Variants in RGS7 observed in about 807,000 individuals in gnomAD.
RGS7 encodes regulator of G protein signaling 7, also known as regulator of G-protein signaling 7.
In RGS7, 27 loss-of-function variants were observed where a neutral mutation model predicts 81.1. The observed-to-expected ratio is 0.33, with a 90% CI of 0.25 to 0.46. RGS7 has a LOEUF of 0.46. Among genes scored for constraint, RGS7 ranks in the 20% least tolerant of loss-of-function variants. The pLI is 1.00. For missense variants in RGS7, 396 were observed against 607.4 expected (o/e 0.65, Z 3.66); for synonymous variants, 208 against 207.7 (o/e 1.00, Z -0.01).
chr1:241,162,326 C>G (rs145286509), intron 2 of RGS7, among the ~76,000 whole-genome samples: 2 of 151,846 alleles, frequency 1.3e-5, no homozygotes, highest in African/African-American at 4.8e-5. Flanking sequence ...CAGGAACGCT[C>G]TGCTGGTAAG....
rs535761466 is a variant in RGS7, at chr1:240,944,180, A to G, written c.227-7474T>C. ...TTCAGATCTACATTATACAGCCTAT[A>G]TGATATTAGCATGTTCATTCCCCAG... On this transcript the variant is annotated intron_variant, in intron 4 of 18. Transcript: ENST00000440928. Among the ~76,000 whole-genome samples the G allele has an allele frequency of 4.0e-5, 6 of 150,912 alleles. No individual in the cohort carries two copies. In the East Asian group the frequency reaches 1.2e-3, roughly 29 times the overall value.
chr1:240,813,713 C>G lies in RGS7; in HGVS notation c.861G>C (p.Thr287=). 2 of 1,610,752 alleles carry G rather than the reference C, an allele frequency of 1.2e-6. No homozygotes were observed. Among genetic ancestry groups the G allele is most frequent in the Non-Finnish European group, 1.7e-6 (2 of 1,176,942 alleles). The stretch of plus-strand genomic sequence containing the variant: ...ACGGGTCGTATTCTAAATACTGTTC[C>G]GTGTAACTTAGTAGACTAAGGAGAA... ...SKVADSLLSY[T]EQYLEYDPFL... The change falls in exon 13 of 19, where the codon ACG becomes ACC. Residue 287 remains threonine, a synonymous_variant. Transcript: ENST00000440928.
intron 2 of RGS7, among the ~76,000 whole-genome samples, chr1:241,328,517 A>ACATAAC (rs1206321761): frequency 6.6e-6 from 1 of 152,168 alleles, no homozygotes; most frequent in East Asian, 1.9e-4. Flanking sequence ...ATGCAAACTC[A>ACATAAC]CATAACCATA....
chr1:240,788,219 C>T (rs909831769), intron 18 of RGS7, among the ~76,000 whole-genome samples: 13 of 152,100 alleles, frequency 8.5e-5, no homozygotes, highest in East Asian at 3.8e-4. Context: ...ACTCAAATTT[C>T]GACAGGTTTA....
intron 3 of RGS7, among the ~76,000 whole-genome samples, chr1:241,070,429 C>G (rs1236641442): frequency 6.6e-6 from 1 of 151,638 alleles, no homozygotes; most frequent in Non-Finnish European, 1.5e-5. Context: ...TGAGTGGTTT[C>G]TTAACGTTCA....
intron 2 of RGS7, among the ~76,000 whole-genome samples, chr1:241,332,436 G>A (rs773316511): frequency 7.2e-5 from 11 of 152,150 alleles, no homozygotes; most frequent in Non-Finnish European, 1.5e-4. Flanking sequence ...TTATATTAAT[G>A]TAAGGAACTA....
chr1:241,311,962 A>T (rs2080561134), intron 2 of RGS7, among the ~76,000 whole-genome samples: 1 of 152,240 alleles, frequency 6.6e-6, no homozygotes, highest in Non-Finnish European at 1.5e-5. Flanking sequence ...CAAATAGATG[A>T]ACATTTGATG....
chr1:241,037,502 C>A (rs958759583), intron 3 of RGS7, among the ~76,000 whole-genome samples: 16 of 152,064 alleles, frequency 1.1e-4, no homozygotes, highest in African/African-American at 3.6e-4. Context: ...GGGCAGATCA[C>A]AAGGTCAGGA....
intron 5 of RGS7, among the ~76,000 whole-genome samples, chr1:240,932,885 T>C (rs1675782071): frequency 1.7e-5 from 2 of 114,470 alleles, no homozygotes; most frequent in African/African-American, 7.1e-5. Flanking sequence ...TCTTTTTTTT[T>C]TTTTTTTTTT....
rs111543481 is a variant in RGS7, at chr1:240,975,763, A to C, written c.226+7316T>G. 6.6e-3 allele frequency among the ~76,000 whole-genome samples: 1,010 copies of C among 152,382 alleles called. 18 individuals carry two copies. Among genetic ancestry groups the C allele is most frequent in the African/African-American group, 0.023 (959 of 41,584 alleles). On this transcript the variant is annotated intron_variant, in intron 4 of 18. Transcript: ENST00000440928. ...AAGCATGTTTACTAAGAAAACAATA[A>C]ATCTGTTCTGGAAGATAAATTTTGC...
At chr1:240,921,652 C>T (rs1673564354) in intron 6 of RGS7, among the ~76,000 whole-genome samples, 1 of 151,990 alleles carries the variant, frequency 6.6e-6, no homozygotes, top group Non-Finnish European at 1.5e-5. Context: ...TTTCAAAACA[C>T]AATACTATTT....
intron 6 of RGS7, among the ~76,000 whole-genome samples, chr1:240,874,438 T>G (rs1431141192): frequency 6.6e-6 from 1 of 152,160 alleles, no homozygotes; most frequent in Non-Finnish European, 1.5e-5. Context: ...AAGACTGACA[T>G]TTTTATTACA....
chr1:241,306,618 G>A (rs563994277), intron 2 of RGS7, among the ~76,000 whole-genome samples: 139 of 146,150 alleles, frequency 9.5e-4, no homozygotes, highest in African/African-American at 3.3e-3. Flanking sequence ...GCATATATAC[G>A]CACATGTCCA....
At chr1:240,861,355 C>A (rs1185761157) in intron 9 of RGS7, among the ~76,000 whole-genome samples, 2 of 152,036 alleles carry the variant, frequency 1.3e-5, no homozygotes, top group African/African-American at 2.4e-5. Flanking sequence ...CAACCCTAAA[C>A]TAATAGACTG....
At chr1:240,937,411 C>T (rs1676829703) in intron 4 of RGS7, among the ~76,000 whole-genome samples, 1 of 152,098 alleles carries the variant, frequency 6.6e-6, no homozygotes, top group Admixed American at 6.6e-5. Context: ...TGGCTTTGTG[C>T]TTTTTCTTCT....
At chr1:241,120,894 C>T (rs2066210262) in intron 2 of RGS7, among the ~76,000 whole-genome samples, 1 of 152,064 alleles carries the variant, frequency 6.6e-6, no homozygotes. Flanking sequence ...GAGTGAGGTG[C>T]ATTTTAAATA....
At chr1:240,913,202 T>C (rs1304063344) in intron 6 of RGS7, among the ~76,000 whole-genome samples, 1 of 152,264 alleles carries the variant, frequency 6.6e-6, no homozygotes, top group Non-Finnish European at 1.5e-5. Context: ...TTTCAGAATA[T>C]TTTAATCTCC....
At chr1:241,088,011 TATATATACACACACAC>T (rs1558698124) in intron 3 of RGS7, among the ~76,000 whole-genome samples, 7 of 127,374 alleles carry the variant, frequency 5.5e-5, no homozygotes, top group African/African-American at 1.5e-4. Flanking sequence ...CACACACATA[TATATATACACACACAC>T]ATATATATAT....
intron 2 of RGS7, among the ~76,000 whole-genome samples, chr1:241,347,859 A>G (rs2083000465): frequency 6.6e-6 from 1 of 152,158 alleles, no homozygotes; most frequent in African/African-American, 2.4e-5. Context: ...TTACGAGGCC[A>G]TGGTCTATGG....
Sources: gnomAD v4.1 joint callset for allele counts (sites outside exome capture counted in the v4.1 genomes callset) on GRCh38, gnomAD v4.1.1 for gene constraint, MANE v1.5 for transcripts, NCBI Gene and HGNC (gene_info 2026-07-23, HGNC 2026-07-21) for gene names.